Variants in ZNF483 observed in about 807,000 individuals in gnomAD.
ZNF483 encodes the protein zinc finger protein HIT-10.
ZNF483 carries 9 observed loss-of-function variants against 28.6 expected under a neutral mutation model. The observed-to-expected ratio is 0.32, with a 90% CI of 0.19 to 0.55. The LOEUF (loss-of-function observed/expected upper bound fraction) is 0.55. ZNF483 is among the 20% of genes least tolerant of loss of function. The pLI is 0.93. For missense variants in ZNF483, 675 were observed against 871.7 expected (o/e 0.77, Z 2.84); for synonymous variants, 322 against 306.2 (o/e 1.05, Z -0.54).
chr9:111,530,584 C>A (rs1469514791), intron 2 of ZNF483, among the ~76,000 whole-genome samples: 2 of 150,890 alleles, frequency 1.3e-5, no homozygotes, highest in Non-Finnish European at 3.0e-5. Flanking sequence ...AGGTAGATAG[C>A]ATTAGAAATG....
intron 5 of ZNF483, among the ~76,000 whole-genome samples, chr9:111,560,727 A>T (rs1473073890): frequency 3.3e-5 from 5 of 149,316 alleles, no homozygotes; most frequent in Non-Finnish European, 7.4e-5. Context: ...CCGGATCACA[A>T]GGTCAGGAGT....
intron 1 of ZNF483, among the ~76,000 whole-genome samples, chr9:111,525,673 C>T (rs1008854808): frequency 6.6e-6 from 1 of 152,006 alleles, no homozygotes; most frequent in Non-Finnish European, 1.5e-5. Flanking sequence ...CTTTTTTCTT[C>T]CCTCTGGTTG....
At chr9:111,562,765 C>T (rs1382767018) in intron 5 of ZNF483, 7 of 214,932 alleles carry the variant, frequency 3.3e-5, no homozygotes, top group African/African-American at 1.6e-4. Context: ...CCGGCTTCCA[C>T]AGGCCCCAGC....
In ZNF483 at chr9:111,529,810, CT is replaced by C. The variant is rs372518314; in HGVS notation, c.413-1063del. Among the ~76,000 whole-genome samples, 831 of 152,218 alleles carry C rather than the reference CT, an allele frequency of 5.5e-3. 26 individuals carry two copies. Among genetic ancestry groups the C allele is most frequent in the East Asian group, 3.3e-3 (17 of 5,184 alleles). ...TAAAGAGTGGGACAACTTTTTGTTT[CT>C]TCTGACCTTTTTATCCAGAGAGGCT... On this transcript the variant is annotated intron_variant, in intron 2 of 5. Coordinates refer to ENST00000309235, the MANE Select transcript of ZNF483 (RefSeq NM_133464.5).
In ZNF483 at chr9:111,543,721, A is replaced by G. The variant is rs1827731078; in HGVS notation, c.*551A>G. On this transcript the variant is annotated 3_prime_UTR_variant, in exon 6 of 6. Coordinates refer to ENST00000309235, the MANE Select transcript of ZNF483 (RefSeq NM_133464.5). The stretch of plus-strand genomic sequence containing the variant: ...TTTGTCATTACTTTCAAGTTTCTCT[A>G]GTAAAAAATACAATACCACTATTCA... 1.0e-6 allele frequency: 1 copy of G among 965,506 alleles called. No homozygotes were observed. The highest frequency in any genetic ancestry group is 1.2e-6 in the Non-Finnish European group (1 of 813,756). 59.8% of individuals were successfully genotyped at this position (965,506 alleles called of 1,614,324 possible). A position where few individuals can be genotyped will look rare whatever the true frequency, so the allele number is the denominator to read the frequency against.
intron 5 of ZNF483, among the ~76,000 whole-genome samples, chr9:111,566,868 G>T (rs974890087): frequency 8.6e-5 from 13 of 152,044 alleles, no homozygotes; most frequent in African/African-American, 2.9e-4. Flanking sequence ...ATGATTAATT[G>T]CTATGGATAA....
Position 111,543,078 on chromosome 9 carries a change from G to T in ZNF483, c.2143G>T (p.Gly715Ter). The T allele has an allele frequency of 1.2e-6, 2 of 1,614,026 alleles. No homozygotes were observed. ...ILVEHLKIHT[G>*]RREYECNECE... ...TGTAGAACACCTAAAAATTCATACC[G>T]GAAGGAGAGAATATGAATGTAACGA... The change falls in exon 6 of 6, where the codon GGA becomes TGA. Residue 715 changes from glycine to a stop codon, truncating the protein, a stop_gained. Coordinates refer to ENST00000309235, the MANE Select transcript of ZNF483 (RefSeq NM_133464.5). LOFTEE classifies it low-confidence loss of function (END_TRUNC).
intron 5 of ZNF483, chr9:111,574,861 C>T (rs1055448009): frequency 6.4e-7 from 1 of 1,551,688 alleles, no homozygotes; most frequent in Non-Finnish European, 8.9e-7. Context: ...ATAGCAAAGA[C>T]AAAATGTTAA....
At chr9:111,577,283 T>G (rs1180333384) in exon 6 of ZNF483, 1 of 152,032 alleles carries the variant, frequency 6.6e-6, no homozygotes, top group Non-Finnish European at 1.5e-5. Flanking sequence ...CCTACTAGGA[T>G]GGTTATAATA....
In ZNF483 at chr9:111,546,073, T is replaced by C. The variant is rs1427570357; in HGVS notation, c.*2903T>C. 6.6e-6 allele frequency among the ~76,000 whole-genome samples: 1 copy of C among 152,218 alleles called. No individual in the cohort carries two copies. Among genetic ancestry groups the C allele is most frequent in the East Asian group, 1.9e-4 (1 of 5,204 alleles). On this transcript the variant is annotated 3_prime_UTR_variant, in exon 6 of 6. Transcript: ENST00000309235. ...TACAGTCTTGCCAGTCATTGTTGTC[T>C]GTTTTTTAAAAATTATGCCCATCCT...
In ZNF483 at chr9:111,542,374, C is replaced by T. The variant is rs1171555019; in HGVS notation, c.1439C>T (p.Ser480Leu). 2.5e-6 allele frequency: 4 copies of T among 1,614,002 alleles called. No homozygotes were observed. Among genetic ancestry groups the T allele is most frequent in the Non-Finnish European group, 2.5e-6 (3 of 1,180,030 alleles). ...TGTGGAAAAGCTTTTAGTGATAGTT[C>T]ATCGCTCACACCACATCATAGAACT... Reference protein sequence around the residue: ...NECGKAFSDSSSLTPHHRTHS... With the variant: ...NECGKAFSDSLSLTPHHRTHS... Residue 480 changes from serine to leucine, a missense_variant, in exon 6 of 6, where the codon TCA (serine) becomes TTA (leucine). Ser to Leu is a moderately radical substitution (Grantham distance 145). Around this residue, in one of 6 missense-constraint regions of ZNF483, gnomAD observed 525 missense variants for 581.8 expected, o/e 0.90. Transcript: ENST00000309235. This position sits in a 1 kb window ranked among gnomAD's most constrained non-coding sequence, Gnocchi z 6.2.
At chr9:111,532,455 A>T (rs915311528) in intron 3 of ZNF483, among the ~76,000 whole-genome samples, 3 of 152,130 alleles carry the variant, frequency 2.0e-5, no homozygotes, top group African/African-American at 4.8e-5. Context: ...TGTTGTGAAG[A>T]GTTAGGCAGA....
intron 5 of ZNF483, among the ~76,000 whole-genome samples, chr9:111,564,584 GCATGAGC>G (rs1195956365): frequency 6.6e-6 from 1 of 151,766 alleles, no homozygotes; most frequent in Non-Finnish European, 1.5e-5. Context: ...AGGATTACAG[GCATGAGC>G]CACTGCGCCT....
chr9:111,541,556 C>T (rs747624140), intron 5 of ZNF483, 101 bp from the exon 6 acceptor site: 1 of 928,020 alleles, frequency 1.1e-6, no homozygotes, highest in East Asian at 2.7e-5. Flanking sequence ...ACCATCGAAA[C>T]TATATTCCTT....
chr9:111,541,572 T>C, intron 5 of ZNF483, 85 bp from the exon 6 acceptor site: 1 of 1,078,052 alleles, frequency 9.3e-7, no homozygotes, highest in Non-Finnish European at 1.3e-6. Context: ...TCCTTATAGT[T>C]ATTAATGTGT....
rs1026791622 is a variant in ZNF483 at position 111,562,953 on chromosome 9, T to C, written c.722-13412T>C. ...GTTGTTGTTGACTTTGAAACTTCCA[T>C]CCTCCATCACTAATTACATACCACT... On this transcript the variant is annotated intron_variant, in intron 5 of 5. Transcript: ENST00000358151. 5 of 1,390,284 alleles carry C rather than the reference T, an allele frequency of 3.6e-6. No individual in the cohort carries two copies. In the African/African-American group the frequency reaches 7.2e-5, roughly 20 times the overall value. 86.1% of individuals were successfully genotyped at this position (1,390,284 alleles called of 1,614,324 possible).
exon 6 of ZNF483, chr9:111,576,617 G>C: frequency 1.8e-6 from 1 of 550,236 alleles, no homozygotes. Context: ...TAAAATAAAA[G>C]CTACTAGGAT....
At chr9:111,533,955 T>C in intron 4 of ZNF483, 90 bp downstream of exon 4, 3 of 1,523,870 alleles carry the variant, frequency 2.0e-6, no homozygotes, top group Non-Finnish European at 2.7e-6. Flanking sequence ...TGTGAAGTAC[T>C]TGGTTTTGGC....
In ZNF483 at chr9:111,549,860, C is replaced by T. The variant is rs981391776; in HGVS notation, c.*6690C>T. On this transcript the variant is annotated 3_prime_UTR_variant, in exon 6 of 6. Coordinates refer to ENST00000309235, the MANE Select transcript of ZNF483 (RefSeq NM_133464.5). ...ATCTTTAAGGCAGTTGCTTTAAAGT[C>T]TGTCTAGTGAGTCAATGTTTGGTCT... The T allele has an allele frequency of 9.4e-7, 1 of 1,060,012 alleles. No homozygotes were observed. The allele number at this position is 1,060,012 out of a possible 1,614,324, so 65.7% of individuals were successfully genotyped here. A position where few individuals can be genotyped will look rare whatever the true frequency, so the allele number is the denominator to read the frequency against.
Sources: gnomAD v4.1 joint callset for allele counts (sites outside exome capture counted in the v4.1 genomes callset) on GRCh38, gnomAD v4.1.1 for gene constraint, gnomAD v4.1.1 regional missense constraint, Gnocchi (gnomAD v3.1) non-coding constraint, MANE v1.5 for transcripts, NCBI Gene and HGNC (gene_info 2026-07-23, HGNC 2026-07-21) for gene names.